The following CCDC171 variants were observed in gnomAD, a reference collection of about 807,000 sequenced individuals.
CCDC171 encodes the protein coiled-coil domain containing 171, also known as coiled-coil domain-containing protein 171.
CCDC171 carries 177 observed loss-of-function variants against 168.2 expected under a neutral mutation model. The observed-to-expected ratio is 1.05, with a 90% confidence interval of 0.93 to 1.19. CCDC171 has a LOEUF of 1.19. CCDC171 is among the 50% of genes most tolerant of loss of function. The pLI, the probability that CCDC171 is intolerant of heterozygous loss-of-function variation, is 0.00. For synonymous variants in CCDC171, 687 were observed against 540.8 expected, an observed-to-expected ratio of 1.27 and a Z score of -3.75; for missense variants, 1,991 against 1,539.0, an observed-to-expected ratio of 1.29 and a Z score of -4.91.
chr9:15,985,032 G>T (rs1318804410), intron 3 of CCDC171, among the ~76,000 whole-genome samples: 9 of 151,948 alleles, frequency 5.9e-5, no homozygotes, highest in Non-Finnish European at 1.3e-4. Flanking sequence ...TCTACCAGTG[G>T]TAGAATTATG....
chr9:15,934,485 G>C (rs568421513), intron 25 of CCDC171, among the ~76,000 whole-genome samples: 1 of 151,808 alleles, frequency 6.6e-6, no homozygotes, highest in African/African-American at 2.4e-5. Context: ...ACACCCACTA[G>C]GATGGTCATA....
intron 23 of CCDC171, among the ~76,000 whole-genome samples, chr9:15,861,458 C>T (rs1436566676): frequency 2.0e-5 from 3 of 151,632 alleles, no homozygotes; most frequent in African/African-American, 7.3e-5. Flanking sequence ...TGCTCTCATC[C>T]TTTGTGTTTC....
At chr9:15,900,873 C>G (rs935813660) in intron 24 of CCDC171, among the ~76,000 whole-genome samples, 1 of 152,138 alleles carries the variant, frequency 6.6e-6, no homozygotes, top group African/African-American at 2.4e-5. Flanking sequence ...GCTGCTGCCA[C>G]CCTGCACAGC....
At chr9:16,056,550 T>G (rs1021385777) in intron 1 of CCDC171, among the ~76,000 whole-genome samples, 1 of 152,034 alleles carries the variant, frequency 6.6e-6, no homozygotes, top group East Asian at 1.9e-4. Flanking sequence ...TGCAGCAGCA[T>G]GATCTCGGCT....
chr9:15,900,711 C>G (rs1891211), intron 24 of CCDC171, among the ~76,000 whole-genome samples: 65,677 of 152,026 alleles, frequency 0.43, 14,575 homozygotes, highest in East Asian at 0.73. Flanking sequence ...GAGCTTACAT[C>G]TGGGTGTGAG....
At chr9:15,999,559 A>C (rs1293513646) in intron 3 of CCDC171, among the ~76,000 whole-genome samples, 1 of 152,184 alleles carries the variant, frequency 6.6e-6, no homozygotes, top group East Asian at 1.9e-4. Context: ...CATCCAAGCC[A>C]TCCCTAGGTC....
rs202096396 is a variant in CCDC171, at chr9:15,830,744, CA to C, written c.3268-15957del. 6.0e-3 allele frequency among the ~76,000 whole-genome samples: 919 copies of C among 152,170 alleles called. 14 individuals carry two copies. The highest frequency in any genetic ancestry group is 0.021 in the African/African-American group (865 of 41,536). On this transcript the variant is annotated intron_variant, in intron 21 of 25. Coordinates refer to ENST00000380701, the MANE Select transcript of CCDC171 (RefSeq NM_173550.4). The stretch of plus-strand genomic sequence containing the variant: ...ATAATCAAGAATCTTTGGTATTATG[CA>C]TATTTACAGTTCTGTAGAGATAGAT...
intron 24 of CCDC171, among the ~76,000 whole-genome samples, chr9:15,888,385 A>G (rs1032046333): frequency 1.1e-4 from 17 of 152,226 alleles, no homozygotes; most frequent in Admixed American, 5.9e-4. Context: ...TTAAGTATAT[A>G]GCCATTCCAA....
At chr9:15,634,440 A>G (rs956015353) in intron 7 of CCDC171, among the ~76,000 whole-genome samples, 4 of 152,186 alleles carry the variant, frequency 2.6e-5, no homozygotes, top group African/African-American at 9.7e-5. Context: ...TTTAATGTGC[A>G]GACATCCCCC....
At chr9:15,756,386 T>G (rs1258532039) in intron 18 of CCDC171, among the ~76,000 whole-genome samples, 1 of 152,190 alleles carries the variant, frequency 6.6e-6, no homozygotes, top group Admixed American at 6.5e-5. Flanking sequence ...TTTTTAATAA[T>G]TTCAACTTTT....
chr9:15,830,190 A>G (rs1563826724), intron 21 of CCDC171, among the ~76,000 whole-genome samples: 1 of 152,170 alleles, frequency 6.6e-6, no homozygotes, highest in Non-Finnish European at 1.5e-5. Flanking sequence ...TTTAGTTTAA[A>G]TTAAATATCA....
chr9:15,740,823 C>T (rs2054827432), intron 16 of CCDC171, among the ~76,000 whole-genome samples: 1 of 152,100 alleles, frequency 6.6e-6, no homozygotes, highest in South Asian at 2.1e-4. Context: ...TTAAACTCAG[C>T]TTGCCTAGCT....
At chr9:16,028,269 T>G (rs955163440) in intron 6 of CCDC171, among the ~76,000 whole-genome samples, 7 of 152,218 alleles carry the variant, frequency 4.6e-5, no homozygotes, top group African/African-American at 1.2e-4. Context: ...ATGGGTGGCA[T>G]GACCACAGTG....
chr9:16,028,896 TTTCC>T (rs1381437534), intron 6 of CCDC171, among the ~76,000 whole-genome samples: 3 of 152,158 alleles, frequency 2.0e-5, no homozygotes, highest in Admixed American at 1.3e-4. Flanking sequence ...ACCAACCTTC[TTTCC>T]TTCCTTCCTT....
At chr9:15,958,080 AT>A (rs1235458394) in intron 25 of CCDC171, among the ~76,000 whole-genome samples, 4 of 152,190 alleles carry the variant, frequency 2.6e-5, no homozygotes, top group African/African-American at 7.2e-5. Context: ...TTTCTTTAGA[AT>A]ATGGATTAGA....
chr9:15,916,855 G>A (rs111485711), intron 24 of CCDC171, among the ~76,000 whole-genome samples: 2 of 151,890 alleles, frequency 1.3e-5, no homozygotes, highest in African/African-American at 4.8e-5. Flanking sequence ...ACTGTCTTTT[G>A]TTCTTCATAT....
intron 7 of CCDC171, among the ~76,000 whole-genome samples, chr9:15,626,246 T>A (rs979552549): frequency 3.3e-5 from 5 of 152,214 alleles, no homozygotes; most frequent in Non-Finnish European, 5.9e-5. Flanking sequence ...AAATATACAA[T>A]CACGTCATCT....
Position 15,816,674 on chromosome 9 carries a change from T to C in CCDC171, c.3268-30028T>C, listed in dbSNP as rs756749139. 5.1e-5 allele frequency among the ~76,000 whole-genome samples: 6 copies of C among 118,106 alleles called. 2 individuals carry two copies. The highest frequency in any genetic ancestry group is 1.1e-4 in the Non-Finnish European group (6 of 52,496). 77.5% of individuals were successfully genotyped at this position (118,106 alleles called of 152,430 possible). Reference sequence around the variant, plus strand: ...TCTGCATGTACTTGCATTTTGAATGTTAACGCTTATGTAATTTTCTAATGG... The same window carrying C: ...TCTGCATGTACTTGCATTTTGAATGCTAACGCTTATGTAATTTTCTAATGG... On this transcript the variant is annotated intron_variant, in intron 21 of 25. Transcript: ENST00000380701.
chr9:15,676,790 GTT>G (rs2049606239), intron 9 of CCDC171, among the ~76,000 whole-genome samples: 1 of 152,040 alleles, frequency 6.6e-6, no homozygotes, highest in South Asian at 2.1e-4. Flanking sequence ...CGTTCATTCA[GTT>G]TTAGTGTTTG....
Sources: gnomAD v4.1 joint callset for allele counts (sites outside exome capture counted in the v4.1 genomes callset) on GRCh38, gnomAD v4.1.1 for gene constraint, MANE v1.5 for transcripts, NCBI Gene and HGNC (gene_info 2026-07-23, HGNC 2026-07-21) for gene names.